Variants in PSMD11 observed in about 807,000 individuals in gnomAD.
PSMD11 encodes 26S proteasome non-ATPase regulatory subunit 11.
PSMD11 carries 5 observed loss-of-function variants against 62.3 expected under a neutral mutation model. That is an observed-to-expected ratio of 0.08 (90% CI 0.04 to 0.17). PSMD11 has a LOEUF of 0.17. PSMD11 is among the 10% of genes least tolerant of loss of function. The pLI, the probability that PSMD11 is intolerant of heterozygous loss-of-function variation, is 1.00. For missense variants in PSMD11, 310 were observed against 512.9 expected, an observed-to-expected ratio of 0.60 and a Z score of 3.82; for synonymous variants, 191 against 191.8, an observed-to-expected ratio of 1.00 and a Z score of 0.03.
In PSMD11 at chr17:32,454,530, T is replaced by C; in HGVS notation, c.229T>C (p.Leu77=). Reference sequence around the variant, plus strand: ...ACTCCTGAAGTATGTACGACCCTTCTTGAATTCCATCAGCAAGGCTAAAGC... The same window carrying C: ...ACTCCTGAAGTATGTACGACCCTTCCTGAATTCCATCAGCAAGGCTAAAGC... ...GGLLKYVRPF[L]NSISKAKAAR... The change falls in exon 3 of 14, where the codon TTG becomes CTG. Residue 77 remains leucine, a synonymous_variant. Coordinates refer to ENST00000261712, the MANE Select transcript of PSMD11 (RefSeq NM_002815.4). 1 of 1,614,026 alleles carries C rather than the reference T, an allele frequency of 6.2e-7. No individual in the cohort carries two copies. Among genetic ancestry groups the C allele is most frequent in the Non-Finnish European group, 8.5e-7 (1 of 1,179,886 alleles).
chr17:32,455,897 A>T (rs1026301632), intron 3 of PSMD11, among the ~76,000 whole-genome samples: 31 of 152,248 alleles, frequency 2.0e-4, no homozygotes, highest in African/African-American at 7.5e-4. Context: ...TAATCCCAGC[A>T]CTTTGGGAGG....
chr17:32,454,382 C>T, intron 2 of PSMD11, 113 bp from the exon 3 acceptor site: 1 of 1,070,358 alleles, frequency 9.3e-7, no homozygotes, highest in South Asian at 1.5e-5. Context: ...TTCACTTAGA[C>T]TGATTCCAGT....
At chr17:32,461,686 T>A (rs944606365) in intron 3 of PSMD11, among the ~76,000 whole-genome samples, 2 of 151,974 alleles carry the variant, frequency 1.3e-5, no homozygotes, top group Admixed American at 6.6e-5. Context: ...TGACCTTAAC[T>A]TAAGGCTGGG....
At chr17:32,449,987 T>A (rs1352000438) in intron 2 of PSMD11, among the ~76,000 whole-genome samples, 1 of 152,214 alleles carries the variant, frequency 6.6e-6, no homozygotes. Flanking sequence ...GTTAGTAGTG[T>A]TGAGCATCAT....
intron 5 of PSMD11, 88 bp downstream of exon 5, chr17:32,464,666 A>T: frequency 1.0e-6 from 1 of 1,000,548 alleles, no homozygotes; most frequent in Admixed American, 2.4e-5. Context: ...CCTGTTAATA[A>T]TTTATATTCT....
chr17:32,463,161 A>C (rs1907890987), intron 3 of PSMD11, among the ~76,000 whole-genome samples: 1 of 152,180 alleles, frequency 6.6e-6, no homozygotes, highest in Non-Finnish European at 1.5e-5. Flanking sequence ...CTTAATATTT[A>C]CTTTGTCAAA....
chr17:32,450,098 C>G (rs932158469), intron 2 of PSMD11, among the ~76,000 whole-genome samples: 1 of 152,024 alleles, frequency 6.6e-6, no homozygotes, highest in African/African-American at 2.4e-5. Flanking sequence ...GTGGCTGGAA[C>G]TACAGGCGCC....
intron 6 of PSMD11, among the ~76,000 whole-genome samples, chr17:32,469,497 C>G (rs942756814): frequency 1.3e-5 from 2 of 152,212 alleles, no homozygotes; most frequent in African/African-American, 4.8e-5. Context: ...GTAGCATTTT[C>G]CTTTGGGATT....
Position 32,444,558 on chromosome 17 carries a change from C to A in PSMD11, c.35C>A (p.Ala12Asp). ...AAAAVVEFQRAQSLLSTDREA... is the reference protein window; with the variant it reads ...AAAAVVEFQRDQSLLSTDREA... ...GCGGCGGTGGTGGAGTTCCAGAGAG[C>A]CCAGTCTCTACTCAGCACCGACCGG... The change falls in exon 1 of 14, where the codon GCC (alanine) becomes GAC (aspartate). Residue 12 changes from alanine to aspartate, a missense_variant. By Grantham distance (126) the Ala-to-Asp change is moderately radical. Transcript: ENST00000261712. The A allele has an allele frequency of 6.2e-7, 1 of 1,611,340 alleles. No individual in the cohort carries two copies. The highest frequency in any genetic ancestry group is 1.3e-5 in the African/African-American group (1 of 74,874).
chr17:32,452,224 T>G (rs1355114327), intron 2 of PSMD11, among the ~76,000 whole-genome samples: 1 of 152,206 alleles, frequency 6.6e-6, no homozygotes, highest in Non-Finnish European at 1.5e-5. Flanking sequence ...TATCTGGCTC[T>G]TCACAGAAAA....
chr17:32,462,324 T>C (rs1907868385), intron 3 of PSMD11, among the ~76,000 whole-genome samples: 1 of 152,224 alleles, frequency 6.6e-6, no homozygotes, highest in South Asian at 2.1e-4. Context: ...CTAAGACTAT[T>C]CAGAGAAATA....
chr17:32,480,357 A>G (rs1426276999), intron 12 of PSMD11, 132 bp from the exon 13 acceptor site: 4 of 1,454,006 alleles, frequency 2.8e-6, no homozygotes, highest in Non-Finnish European at 3.8e-6. Context: ...GCATGTGTAC[A>G]TGGAATAGGG....
At chr17:32,459,142 A>ATATATATATATAT (rs1555616135) in intron 3 of PSMD11, among the ~76,000 whole-genome samples, 1 of 132,378 alleles carries the variant, frequency 7.6e-6, no homozygotes, top group Non-Finnish European at 1.6e-5. Flanking sequence ...ATATATATGT[A>ATATATATATATAT]TTTTTTTTTT....
At chr17:32,474,885 A>G (rs1490457083) in intron 8 of PSMD11, 61 bp downstream of exon 8, 1 of 1,452,136 alleles carries the variant, frequency 6.9e-7, no homozygotes, top group Non-Finnish European at 9.7e-7. Flanking sequence ...TCAGAGTCAC[A>G]ACGTTTGATG....
At chr17:32,450,372 A>T (rs993700466) in intron 2 of PSMD11, among the ~76,000 whole-genome samples, 7 of 150,192 alleles carry the variant, frequency 4.7e-5, no homozygotes, top group African/African-American at 1.7e-4. Flanking sequence ...CTCGGGCCTC[A>T]GCCTCCCCAA....
At chr17:32,450,671 T>C (rs1907466448) in intron 2 of PSMD11, among the ~76,000 whole-genome samples, 1 of 151,788 alleles carries the variant, frequency 6.6e-6, no homozygotes, top group African/African-American at 2.4e-5. Context: ...TAAAAAAAAA[T>C]TAACTCAGTA....
chr17:32,479,223 C>G, intron 9 of PSMD11, 28 bp from the exon 10 acceptor site: 3 of 1,611,494 alleles, frequency 1.9e-6, no homozygotes, highest in Non-Finnish European at 2.5e-6. Context: ...TTCTCTGTGC[C>G]AATCTCTGCA....
chr17:32,454,468 C>G (rs1250439997), intron 2 of PSMD11, 27 bp from the exon 3 acceptor site: 26 of 1,608,902 alleles, frequency 1.6e-5, no homozygotes, highest in Non-Finnish European at 2.2e-5. Context: ...GATGTTTACT[C>G]CTCTTTTTGA....
Position 32,480,140 on chromosome 17 carries a change from T to A in PSMD11, c.1075-6T>A. 6.2e-7 allele frequency: 1 copy of A among 1,613,244 alleles called. No individual in the cohort carries two copies. Among genetic ancestry groups the A allele is most frequent in the Non-Finnish European group, 8.5e-7 (1 of 1,179,158 alleles). ...TGGTCCCTTTAATCATGTGCTTTGATTTTAGGCCGACGTGGAAAGGAAATT... is the reference window on the plus strand; with the variant it reads ...TGGTCCCTTTAATCATGTGCTTTGAATTTAGGCCGACGTGGAAAGGAAATT... On this transcript the variant is annotated splice_region_variant and splice_polypyrimidine_tract_variant and intron_variant, in intron 11 of 13. Coordinates refer to ENST00000261712, the MANE Select transcript of PSMD11 (RefSeq NM_002815.4).
Sources: gnomAD v4.1 joint callset for allele counts (sites outside exome capture counted in the v4.1 genomes callset) on GRCh38, gnomAD v4.1.1 for gene constraint, MANE v1.5 for transcripts, NCBI Gene and HGNC (gene_info 2026-07-23, HGNC 2026-07-21) for gene names.